TMEM232: variants seen among roughly 807,000 people sequenced by gnomAD.
The protein encoded by TMEM232 is transmembrane protein 232.
In TMEM232, 80 loss-of-function variants were observed where a neutral mutation model predicts 78.8. The observed-to-expected ratio is 1.01, with a 90% CI of 0.85 to 1.22. The LOEUF (loss-of-function observed/expected upper bound fraction) is 1.22, where lower values mean the gene tolerates loss of function less well. Ranked by LOEUF, TMEM232 falls within the 50% of genes most tolerant of loss-of-function variation. The pLI, the probability that TMEM232 is intolerant of heterozygous loss-of-function variation, is 0.00. For missense variants in TMEM232, 881 were observed against 742.2 expected (o/e 1.19, Z -2.17); for synonymous variants, 297 against 254.3 (o/e 1.17, Z -1.60).
At chr5:110,393,757 G>A (rs546794013) in intron 3 of TMEM232, among the ~76,000 whole-genome samples, 1 of 152,018 alleles carries the variant, frequency 6.6e-6, no homozygotes, top group South Asian at 2.1e-4. Context: ...AGGAGTTTCT[G>A]AGCAGCCTCA....
chr5:110,612,944 T>A (rs181906792), intron 8 of TMEM232, among the ~76,000 whole-genome samples: 1 of 152,158 alleles, frequency 6.6e-6, no homozygotes, highest in Non-Finnish European at 1.5e-5. Flanking sequence ...GCATTGAGAG[T>A]ATGAAGCATC....
intron 12 of TMEM232, among the ~76,000 whole-genome samples, chr5:110,458,231 C>A (rs146004993): frequency 1.8e-3 from 275 of 151,496 alleles, no homozygotes; most frequent in African/African-American, 6.4e-3. Context: ...TGTCCTCCTT[C>A]TTCCTTTGCG....
chr5:110,509,593 A>G (rs1290150118), intron 12 of TMEM232, among the ~76,000 whole-genome samples: 3 of 152,184 alleles, frequency 2.0e-5, no homozygotes, highest in African/African-American at 7.2e-5. Context: ...ATATAAATTC[A>G]TTTCTGTTGT....
At chr5:110,514,763 G>A (rs768413437) in intron 12 of TMEM232, among the ~76,000 whole-genome samples, 1 of 151,940 alleles carries the variant, frequency 6.6e-6, no homozygotes, top group Non-Finnish European at 1.5e-5. Context: ...ACAATATTAA[G>A]TTAAGAGGCC....
intron 2 of TMEM232, among the ~76,000 whole-genome samples, chr5:110,401,782 A>C (rs1033584146): frequency 6.6e-6 from 1 of 152,262 alleles, no homozygotes; most frequent in African/African-American, 2.4e-5. Flanking sequence ...ATTATTATAC[A>C]TTTAATAAAA....
chr5:110,524,404 AAAG>A (rs1561623907), intron 12 of TMEM232, among the ~76,000 whole-genome samples: 1,405 of 67,186 alleles, frequency 0.021, 15 homozygotes, highest in African/African-American at 0.058. Context: ...AGAAAGAAAG[AAAG>A]AAAGAAAGAA....
chr5:110,636,956 CT>C (rs1785926076), intron 5 of TMEM232, among the ~76,000 whole-genome samples: 1 of 151,722 alleles, frequency 6.6e-6, no homozygotes, highest in Non-Finnish European at 1.5e-5. Context: ...CTATTTTTTT[CT>C]TGCTAGCAGA....
intron 12 of TMEM232, among the ~76,000 whole-genome samples, chr5:110,520,253 G>C (rs1769310625): frequency 6.6e-6 from 1 of 152,018 alleles, no homozygotes; most frequent in African/African-American, 2.4e-5. Context: ...TTGTATGCTT[G>C]TTTTAAAATA....
intron 12 of TMEM232, among the ~76,000 whole-genome samples, chr5:110,510,176 C>T (rs905019453): frequency 6.6e-6 from 1 of 152,202 alleles, no homozygotes; most frequent in African/African-American, 2.4e-5. Context: ...ACAGCCCAGG[C>T]TTCTTTCCTG....
At chr5:110,646,509 C>T (rs548791791) in intron 2 of TMEM232, among the ~76,000 whole-genome samples, 58 of 151,784 alleles carry the variant, frequency 3.8e-4, no homozygotes, top group African/African-American at 1.3e-3. Flanking sequence ...TGCAGAAGAA[C>T]GTAATTAGAC....
In TMEM232 at chr5:110,448,805, A is replaced by G. The variant is rs186563540; in HGVS notation, c.1704-23889T>C. 2.0e-5 allele frequency among the ~76,000 whole-genome samples: 3 copies of G among 152,098 alleles called. No homozygotes were observed. The East Asian group carries it at 5.8e-4, about 29-fold the overall frequency. ...GTTTTCTTTGAGAAATGTAAATATA[A>G]TCATAAGAATTAAAAACAGAATATA... On this transcript the variant is annotated intron_variant, in intron 12 of 13. Coordinates refer to ENST00000455884, the MANE Select transcript of TMEM232 (RefSeq NM_001039763.4).
rs557040041 is a variant in TMEM232, at chr5:110,464,153, T to C, written c.1704-39237A>G. 2.4e-4 allele frequency among the ~76,000 whole-genome samples: 37 copies of C among 152,298 alleles called. 1 individual carries two copies. The highest frequency in any genetic ancestry group is 1.4e-3 in the Admixed American group (22 of 15,296). On this transcript the variant is annotated intron_variant, in intron 12 of 13. Coordinates refer to ENST00000455884, the MANE Select transcript of TMEM232 (RefSeq NM_001039763.4). ...GAAGTTACACATTTGTTGTCCCCAT[T>C]CAAGAACTATAAGAGGAAGGAATAT...
At chr5:110,475,729 T>A (rs1763178052) in intron 12 of TMEM232, among the ~76,000 whole-genome samples, 1 of 151,978 alleles carries the variant, frequency 6.6e-6, no homozygotes, top group South Asian at 2.1e-4. Context: ...GAAAGAACTC[T>A]GCAGATATCC....
chr5:110,436,069 C>T (rs1758399447), intron 12 of TMEM232, among the ~76,000 whole-genome samples: 2 of 151,946 alleles, frequency 1.3e-5, no homozygotes, highest in Admixed American at 6.6e-5. Context: ...ATTTACATTC[C>T]TACCAATACT....
chr5:110,413,146 C>T (rs1393508336), intron 2 of TMEM232, among the ~76,000 whole-genome samples: 1 of 152,070 alleles, frequency 6.6e-6, no homozygotes, highest in African/African-American at 2.4e-5. Context: ...TGTGGGTGGG[C>T]ATAATCTAAT....
At position 110,667,233 on chromosome 5, in the gene TMEM232, T is replaced by C. The variant is rs964987412; in HGVS notation, c.120A>G (p.Lys40=). 6 of 1,543,656 alleles carry C rather than the reference T, an allele frequency of 3.9e-6. No individual in the cohort carries two copies. Among genetic ancestry groups the C allele is most frequent in the Non-Finnish European group, 5.3e-6 (6 of 1,142,520 alleles). ...ATAATTATTTTCTAGCTTACCTTGA[T>C]TTATGACCCCTTTCTCCACTTAAAT... ...FQHLSGERGH[K]SRPTFSITKE... The change falls in exon 2 of 14, where the codon AAA becomes AAG. Residue 40 remains lysine, a synonymous_variant. Transcript: ENST00000455884.
At chr5:110,613,521 C>T (rs1284230486) in intron 8 of TMEM232, among the ~76,000 whole-genome samples, 3 of 152,080 alleles carry the variant, frequency 2.0e-5, no homozygotes, top group Non-Finnish European at 2.9e-5. Flanking sequence ...TAAAGTTACT[C>T]CTGCTAATGG....
intron 5 of TMEM232, among the ~76,000 whole-genome samples, chr5:110,629,731 TTA>T (rs1353117078): frequency 6.6e-6 from 1 of 152,140 alleles, no homozygotes; most frequent in African/African-American, 2.4e-5. Context: ...ATTTTAATAG[TTA>T]TATGTTTTTG....
upstream of TMEM232, among the ~76,000 whole-genome samples, chr5:110,727,877 G>A (rs1005198333): frequency 1.3e-5 from 2 of 152,112 alleles, no homozygotes; most frequent in African/African-American, 2.4e-5. Context: ...ACATATGTGA[G>A]AGAACAAATC....
Sources: allele counts gnomAD v4.1 joint callset (sites outside exome capture counted in the v4.1 genomes callset), GRCh38; gene constraint gnomAD v4.1.1; transcripts MANE v1.5; gene names NCBI Gene and HGNC (gene_info 2026-07-23, HGNC 2026-07-21).